The following ALG8 variants were observed in gnomAD, a reference collection of about 807,000 sequenced individuals.
ALG8 encodes ALG8 alpha-1,3-glucosyltransferase.
In ALG8, 48 loss-of-function variants were observed where a neutral mutation model predicts 70.2. The ratio of observed to expected loss-of-function variants is 0.68; its 90% CI spans 0.54 to 0.87. The LOEUF (loss-of-function observed/expected upper bound fraction) is 0.87. Among genes scored for constraint, ALG8 ranks in the 40% least tolerant of loss-of-function variants. The probability of loss-of-function intolerance (pLI) is 0.00; values close to 1 mark genes in which losing one functional copy is unlikely to be tolerated. For synonymous variants in ALG8, 234 were observed against 229.0 expected (o/e 1.02, Z -0.20); for missense variants, 572 against 608.7 (o/e 0.94, Z 0.64).
intron 1 of ALG8, chr11:78,138,664 A>G (rs932690005): frequency 2.2e-6 from 1 of 453,328 alleles, no homozygotes; most frequent in African/African-American, 2.0e-5. Flanking sequence ...AAGAGGAAGG[A>G]TGAAGGGAAG....
At chr11:78,111,759 T>C (rs768463723) in intron 8 of ALG8, among the ~76,000 whole-genome samples, 2 of 152,170 alleles carry the variant, frequency 1.3e-5, no homozygotes, top group South Asian at 4.1e-4. Flanking sequence ...CAAGCTAGAT[T>C]GTATTCACAA....
At chr11:78,134,259 T>C (rs1861445153) in intron 1 of ALG8, among the ~76,000 whole-genome samples, 1 of 151,854 alleles carries the variant, frequency 6.6e-6, no homozygotes, top group Non-Finnish European at 1.5e-5. Context: ...TGCCTCAGCC[T>C]CCTAAGTGGC....
intron 8 of ALG8, among the ~76,000 whole-genome samples, chr11:78,110,794 C>T (rs1303844682): frequency 6.6e-6 from 1 of 152,150 alleles, no homozygotes; most frequent in Non-Finnish European, 1.5e-5. Context: ...TTTCTACTTA[C>T]TAACCTCTTC....
intron 6 of ALG8, 121 bp downstream of exon 6, chr11:78,114,145 T>C: frequency 6.9e-7 from 1 of 1,454,524 alleles, no homozygotes; most frequent in Non-Finnish European, 9.5e-7. Flanking sequence ...GTAAAGGGCT[T>C]ACAGGATTAG....
chr11:78,120,712 C>T (rs615799), intron 4 of ALG8, among the ~76,000 whole-genome samples: 22,294 of 152,180 alleles, frequency 0.15, 1,759 homozygotes, highest in East Asian at 0.29. Flanking sequence ...CATTCCCACA[C>T]GCACACTGTG....
intron 4 of ALG8, among the ~76,000 whole-genome samples, chr11:78,120,638 A>G (rs1371763030): frequency 6.6e-6 from 1 of 152,236 alleles, no homozygotes; most frequent in Non-Finnish European, 1.5e-5. Flanking sequence ...GAAGCCTTGA[A>G]TTTAAAAACT....
intron 4 of ALG8, among the ~76,000 whole-genome samples, chr11:78,119,556 G>C (rs1860729578): frequency 6.6e-6 from 1 of 151,498 alleles, no homozygotes; most frequent in South Asian, 2.1e-4. Context: ...AGCCTCCCGA[G>C]TAGCTGGGAC....
chr11:78,112,902 A>T, intron 7 of ALG8, 132 bp from the exon 8 acceptor site: 1 of 1,068,568 alleles, frequency 9.4e-7, no homozygotes, highest in East Asian at 2.8e-5. Flanking sequence ...GTAAGTGGTT[A>T]TATGCTCACC....
chr11:78,119,199 T>C lies in ALG8; in HGVS notation c.529A>G (p.Ile177Val). The part of the protein sequence containing the change: ...GFLFGLMLLS[I>V]ARLFQKRHME... ...ATGTTTACCTGAAATAATCGTGCAA[T>C]GGAGAGTAGCATTAATCCAAATAAA... The change falls in exon 5 of 13, where the codon ATT becomes GTT. Residue 177 changes from isoleucine (I) to valine (V), a missense_variant. By Grantham distance (29) the Ile-to-Val change is conservative. Coordinates refer to ENST00000299626, the MANE Select transcript of ALG8 (RefSeq NM_024079.5). 2 of 1,610,552 alleles carry C rather than the reference T, an allele frequency of 1.2e-6. No individual in the cohort carries two copies. Among genetic ancestry groups the C allele is most frequent in the Non-Finnish European group, 1.7e-6 (2 of 1,176,966 alleles).
At chr11:78,106,410 G>GA (rs1860032383) in intron 10 of ALG8, among the ~76,000 whole-genome samples, 1 of 152,238 alleles carries the variant, frequency 6.6e-6, no homozygotes, top group East Asian at 1.9e-4. Flanking sequence ...TGTTAGCCAG[G>GA]ATAGTCTCGA....
intron 1 of ALG8, among the ~76,000 whole-genome samples, chr11:78,135,956 G>C (rs1344066792): frequency 7.9e-5 from 12 of 151,978 alleles, no homozygotes; most frequent in Admixed American, 7.9e-4. Flanking sequence ...ATCGCTTGAG[G>C]TCAGGAATTT....
chr11:78,129,410 A>G lies in ALG8; in HGVS notation c.96-1974T>C, dbSNP rs1360259384. ...ACTCCAGCCTGGGCGACAGAGCAAG[A>G]CTCCGTCTCAAAAAAAAAAAAAAAA... On this transcript the variant is annotated intron_variant, in intron 1 of 12. Coordinates refer to ENST00000299626, the MANE Select transcript of ALG8 (RefSeq NM_024079.5). 1.4e-4 allele frequency among the ~76,000 whole-genome samples: 10 copies of G among 70,032 alleles called. No homozygotes were observed. The South Asian group carries it at 6.9e-3, about 48-fold the overall frequency. The allele number at this position is 70,032 out of a possible 152,430, so 45.9% of individuals were successfully genotyped here. A position where few individuals can be genotyped will look rare whatever the true frequency, so the allele number is the denominator to read the frequency against.
At position 78,114,026 on chromosome 11, in the gene ALG8, GGAAAGGAA is replaced by G. The variant is rs759045647; in HGVS notation, c.674-45_674-38del. ...GAACATTATCAGTAACCAGGAAGAT[GGAAAGGAA>G]CATTAACCATAACCTATATCATGTG... On this transcript the variant is annotated intron_variant, in intron 6 of 12. Transcript: ENST00000299626. 46 of 1,536,098 alleles carry G rather than the reference GGAAAGGAA, an allele frequency of 3.0e-5. No homozygotes were observed. In the Middle Eastern group the frequency reaches 1.2e-3, roughly 39 times the overall value.
chr11:78,101,242 G>A, intron 12 of ALG8, 47 bp from the exon 13 acceptor site: 1 of 1,500,356 alleles, frequency 6.7e-7, no homozygotes, highest in Non-Finnish European at 9.2e-7. Context: ...GAGTCATCCT[G>A]GTTTAGCAAA....
intron 8 of ALG8, 97 bp from the exon 9 acceptor site, chr11:78,109,678 C>A: frequency 8.2e-7 from 1 of 1,222,518 alleles, no homozygotes. Flanking sequence ...AAGTAAGCTA[C>A]TAAATCTTAT....
intron 1 of ALG8, among the ~76,000 whole-genome samples, chr11:78,135,747 C>G (rs975859450): frequency 1.1e-4 from 16 of 151,668 alleles, no homozygotes; most frequent in Non-Finnish European, 1.3e-4. Context: ...ACTTGGGTGG[C>G]TGAAGCAGGA....
chr11:78,106,582 C>T (rs929095638), intron 10 of ALG8, among the ~76,000 whole-genome samples: 1 of 152,172 alleles, frequency 6.6e-6, no homozygotes, highest in African/African-American at 2.4e-5. Flanking sequence ...TACAGTGCTT[C>T]TTTCCAAAAA....
rs1457257721 is a variant in ALG8 at position 78,121,154 on chromosome 11, C to T, written c.389G>A (p.Gly130Glu). The change falls in exon 4 of 13, where the codon GGA becomes GAA. Residue 130 changes from glycine to glutamate, a missense_variant. Coordinates refer to ENST00000299626, the MANE Select transcript of ALG8 (RefSeq NM_024079.5). ...AVRECCKCID[G>E]KKVGKELTEK... ...TGTAAGTTCTTTACCCACTTTTTTTCCATCAATGCATTTACAGCACCTACA... is the reference window on the plus strand; with the variant it reads ...TGTAAGTTCTTTACCCACTTTTTTTTCATCAATGCATTTACAGCACCTACA... 6.2e-7 allele frequency: 1 copy of T among 1,613,368 alleles called. No individual in the cohort carries two copies. Among genetic ancestry groups the T allele is most frequent in the Admixed American group, 1.7e-5 (1 of 59,984 alleles).
chr11:78,132,490 T>G (rs1861345985), intron 1 of ALG8, among the ~76,000 whole-genome samples: 1 of 152,210 alleles, frequency 6.6e-6, no homozygotes, highest in Non-Finnish European at 1.5e-5. Context: ...AATCTAAATT[T>G]TTCATCCTGG....
Sources: gnomAD v4.1 joint callset for allele counts (sites outside exome capture counted in the v4.1 genomes callset) on GRCh38, gnomAD v4.1.1 for gene constraint, MANE v1.5 for transcripts, NCBI Gene and HGNC (gene_info 2026-07-23, HGNC 2026-07-21) for gene names.